Variants in SSH2 observed in about 807,000 individuals in gnomAD.
The protein encoded by SSH2 is slingshot protein phosphatase 2.
Under a neutral mutation model 135.2 loss-of-function variants are expected in SSH2, and 37 were observed. The ratio of observed to expected loss-of-function variants is 0.27; its 90% CI spans 0.21 to 0.36. The LOEUF is 0.36. Among genes scored for constraint, SSH2 ranks in the 10% least tolerant of loss-of-function variants. The pLI is 1.00. For missense variants in SSH2, 1,408 were observed against 1,765.3 expected (o/e 0.80, Z 3.63); for synonymous variants, 628 against 646.2 (o/e 0.97, Z 0.43).
At chr17:29,784,183 T>TA (rs1441921986) in intron 3 of SSH2, among the ~76,000 whole-genome samples, 2 of 150,040 alleles carry the variant, frequency 1.3e-5, no homozygotes, top group Non-Finnish European at 2.9e-5. Flanking sequence ...GATCAGGAGT[T>TA]AGAGACCAGC....
chr17:29,743,094 A>G (rs2040627820), intron 3 of SSH2, among the ~76,000 whole-genome samples: 1 of 151,928 alleles, frequency 6.6e-6, no homozygotes. Flanking sequence ...ACCACGCTGA[A>G]CTAATTTTTG....
chr17:29,834,066 G>A (rs932952655), intron 2 of SSH2, among the ~76,000 whole-genome samples: 11 of 151,212 alleles, frequency 7.3e-5, no homozygotes, highest in Non-Finnish European at 1.5e-4. Flanking sequence ...TACCCATGAA[G>A]GTTGCAAATA....
chr17:29,632,103 G>C lies in SSH2; in HGVS notation c.3091C>G (p.Pro1031Ala), dbSNP rs1218551774. ...ATGATTTCTACCCTCTTGGGAAGGG[G>C]AAGAGGGACTGCTTGTGTTTCAGAC... ...QESETQAVPLPLPKRVEIIEY... is the reference protein window; with the variant it reads ...QESETQAVPLALPKRVEIIEY... Residue 1031 changes from proline to alanine, a missense_variant, in exon 16 of 16, where the codon CCC becomes GCC. Pro to Ala is a conservative substitution (Grantham distance 27). This residue lies in a region of SSH2 where 1,080 missense variants were observed against 1,144.5 expected (regional missense o/e 0.94). Transcript: ENST00000540801. 2 of 1,614,164 alleles carry C rather than the reference G, an allele frequency of 1.2e-6. No homozygotes were observed. Among genetic ancestry groups the C allele is most frequent in the South Asian group, 1.1e-5 (1 of 91,084 alleles).
At chr17:29,843,944 C>G (rs1353528858) in intron 2 of SSH2, among the ~76,000 whole-genome samples, 1 of 152,152 alleles carries the variant, frequency 6.6e-6, no homozygotes, top group Non-Finnish European at 1.5e-5. Context: ...AGACACTGTC[C>G]TTCCCTAGAA....
intron 3 of SSH2, among the ~76,000 whole-genome samples, chr17:29,727,638 G>A (rs1005181281): frequency 2.6e-5 from 4 of 152,146 alleles, no homozygotes; most frequent in Non-Finnish European, 4.4e-5. Context: ...TATTTTAATA[G>A]GTGACTAACT....
At chr17:29,666,834 T>C (rs184952257) in intron 11 of SSH2, 33 bp downstream of exon 11, 34 of 1,612,140 alleles carry the variant, frequency 2.1e-5, no homozygotes, top group Non-Finnish European at 2.6e-5. Flanking sequence ...GGGCTAGCGT[T>C]AGCACACCAC....
intron 1 of SSH2, among the ~76,000 whole-genome samples, chr17:29,886,684 T>C (rs1246941960): frequency 6.6e-6 from 1 of 150,512 alleles, no homozygotes; most frequent in Non-Finnish European, 1.5e-5. Flanking sequence ...GCGGTGGAGG[T>C]TGCAGTGAGC....
intron 3 of SSH2, among the ~76,000 whole-genome samples, chr17:29,768,290 T>A (rs1230570140): frequency 3.8e-5 from 5 of 133,246 alleles, no homozygotes; most frequent in African/African-American, 9.1e-5. Flanking sequence ...TAAATGTAAA[T>A]TTTTTTTTTT....
chr17:29,829,279 TC>T (rs2042797517), intron 2 of SSH2, among the ~76,000 whole-genome samples: 1 of 152,198 alleles, frequency 6.6e-6, no homozygotes, highest in Admixed American at 6.5e-5. Flanking sequence ...TCATTTCCAT[TC>T]CTTGGATGAA....
At chr17:29,922,653 T>C (rs1010725474) in intron 1 of SSH2, among the ~76,000 whole-genome samples, 5 of 152,144 alleles carry the variant, frequency 3.3e-5, no homozygotes, top group African/African-American at 1.2e-4. Context: ...GTGATTAAAA[T>C]AAAAATGAAA....
At chr17:29,654,294 T>G (rs541922192) in intron 12 of SSH2, among the ~76,000 whole-genome samples, 2 of 152,368 alleles carry the variant, frequency 1.3e-5, no homozygotes, top group East Asian at 3.9e-4. Flanking sequence ...ACTTTCTTAT[T>G]AAGTTTTCCA....
intron 5 of SSH2, among the ~76,000 whole-genome samples, chr17:29,685,817 T>G (rs1018143819): frequency 6.6e-6 from 1 of 151,428 alleles, no homozygotes; most frequent in East Asian, 1.9e-4. Context: ...GTAATGAGTT[T>G]GTGAGGATGT....
chr17:29,647,219 G>A (rs1438764492), intron 14 of SSH2, among the ~76,000 whole-genome samples: 1 of 150,944 alleles, frequency 6.6e-6, no homozygotes, highest in Non-Finnish European at 1.5e-5. Flanking sequence ...CCGAGATCGC[G>A]CCACTGCACT....
intron 2 of SSH2, among the ~76,000 whole-genome samples, chr17:29,825,574 T>C (rs897979903): frequency 2.1e-4 from 32 of 152,220 alleles, no homozygotes; most frequent in Admixed American, 1.8e-3. Context: ...ATACTTACTT[T>C]GAAGACTAGA....
Position 29,672,140 on chromosome 17 carries a change from T to C in SSH2, c.615-11A>G. 6.2e-7 allele frequency: 1 copy of C among 1,610,256 alleles called. No homozygotes were observed. The highest frequency in any genetic ancestry group is 8.5e-7 in the Non-Finnish European group (1 of 1,177,688). On this transcript the variant is annotated splice_polypyrimidine_tract_variant and intron_variant, in intron 8 of 15. Transcript: ENST00000540801. ...CTCTGTAGTGCAGACCTGAAAGACA[T>C]GCTGGGAAATGAGCACCATAGAACT...
chr17:29,726,554 G>A (rs562263935), intron 3 of SSH2, among the ~76,000 whole-genome samples: 89 of 152,234 alleles, frequency 5.8e-4, no homozygotes, highest in Non-Finnish European at 1.2e-3. Context: ...AACAAGGGTG[G>A]TCTGATCTGA....
At chr17:29,877,604 A>G (rs1375251247) in intron 1 of SSH2, among the ~76,000 whole-genome samples, 1 of 152,206 alleles carries the variant, frequency 6.6e-6, no homozygotes, top group African/African-American at 2.4e-5. Context: ...CATTACTTTA[A>G]GTGAAATAAG....
At chr17:29,650,343 G>A (rs2036537662) in intron 13 of SSH2, among the ~76,000 whole-genome samples, 1 of 152,102 alleles carries the variant, frequency 6.6e-6, no homozygotes, top group South Asian at 2.1e-4. Context: ...CTCCCCACTG[G>A]CAACTTAATT....
intron 2 of SSH2, among the ~76,000 whole-genome samples, chr17:29,837,994 C>T (rs193196030): frequency 1.5e-4 from 23 of 152,322 alleles, no homozygotes; most frequent in Admixed American, 1.5e-3. Context: ...GGAGCCCTGC[C>T]CTCCCAGGCA....
Sources: gnomAD v4.1 joint callset for allele counts (sites outside exome capture counted in the v4.1 genomes callset) on GRCh38, gnomAD v4.1.1 for gene constraint, gnomAD v4.1.1 regional missense constraint, MANE v1.5 for transcripts, NCBI Gene and HGNC (gene_info 2026-07-23, HGNC 2026-07-21) for gene names.